TENM3: variants seen among roughly 807,000 people sequenced by gnomAD.
TENM3 encodes teneurin transmembrane protein 3.
Under a neutral mutation model 255.1 loss-of-function variants are expected in TENM3, and 63 were observed. The observed-to-expected ratio is 0.25, with a 90% CI of 0.20 to 0.30. TENM3 has a LOEUF of 0.30. Ranked by LOEUF, TENM3 falls within the 10% of genes least tolerant of loss-of-function variation. The probability of loss-of-function intolerance (pLI) is 1.00; values close to 1 mark genes in which losing one functional copy is unlikely to be tolerated. For missense variants in TENM3, 2,929 were observed against 3,461.1 expected (o/e 0.85, Z 3.86); for synonymous variants, 1,306 against 1,322.3 (o/e 0.99, Z 0.27).
the TENM3 span, among the ~76,000 whole-genome samples, chr4:181,695,395 A>C: frequency 6.6e-6 from 1 of 152,326 alleles, no homozygotes; most frequent in East Asian, 1.9e-4. Context: ...GTAATCCCCA[A>C]ATCAATTACA....
chr4:182,290,595 C>T lies in TENM3; in HGVS notation c.-75-33351C>T, dbSNP rs6856452. Reference sequence around the variant, plus strand: ...TCTGCTCACTGCAATCTCCATCTCCCGGGTTCAAGACATCCTCCTGCCTCA... The same window carrying T: ...TCTGCTCACTGCAATCTCCATCTCCTGGGTTCAAGACATCCTCCTGCCTCA... On this transcript the variant is annotated intron_variant, in intron 1 of 27. Transcript: ENST00000511685. Among the ~76,000 whole-genome samples, 1,172 of 150,772 alleles carry T rather than the reference C, an allele frequency of 7.8e-3. 16 individuals carry two copies. The highest frequency in any genetic ancestry group is 0.026 in the African/African-American group (1,060 of 40,982).
the TENM3 span, among the ~76,000 whole-genome samples, chr4:181,826,875 A>C: frequency 6.6e-6 from 1 of 152,144 alleles, no homozygotes; most frequent in Admixed American, 6.5e-5. Flanking sequence ...AAAATTTGCA[A>C]ATTCTGTTGT....
chr4:182,780,014 A>G (rs1765038543), intron 24 of TENM3, among the ~76,000 whole-genome samples: 3 of 149,590 alleles, frequency 2.0e-5, no homozygotes, highest in Non-Finnish European at 4.5e-5. Flanking sequence ...TTGCCTGTTC[A>G]CTCTGATGGT....
chr4:182,288,097 C>T (rs557275060), intron 1 of TENM3, among the ~76,000 whole-genome samples: 14 of 151,972 alleles, frequency 9.2e-5, no homozygotes, highest in East Asian at 3.9e-4. Context: ...ACCACCACAC[C>T]GGCTAATTTT....
At chr4:182,319,782 A>G (rs2150474774) in intron 1 of TENM3, among the ~76,000 whole-genome samples, 1 of 152,336 alleles carries the variant, frequency 6.6e-6, no homozygotes, top group East Asian at 1.9e-4. Flanking sequence ...GGTATCATGA[A>G]AATGATACAG....
At chr4:182,145,625 GTACCGTGT>G (rs1561136553) in intron 1 of TENM3, among the ~76,000 whole-genome samples, 2 of 152,154 alleles carry the variant, frequency 1.3e-5, no homozygotes, top group African/African-American at 4.8e-5. Context: ...ACAAGTACTT[GTACCGTGT>G]AATACATCAC....
At chr4:181,950,732 A>G in the TENM3 span, among the ~76,000 whole-genome samples, 1 of 152,162 alleles carries the variant, frequency 6.6e-6, no homozygotes, top group Non-Finnish European at 1.5e-5. Flanking sequence ...TCTCCAAACT[A>G]CATTAAGAGA....
chr4:182,338,539 A>G (rs904022800), intron 2 of TENM3, among the ~76,000 whole-genome samples: 1 of 152,154 alleles, frequency 6.6e-6, no homozygotes, highest in Admixed American at 6.5e-5. Context: ...TGGTTTTTAA[A>G]TGTTTCTTTA....
chr4:181,723,442 G>T, the TENM3 span, among the ~76,000 whole-genome samples: 1 of 151,590 alleles, frequency 6.6e-6, no homozygotes, highest in Non-Finnish European at 1.5e-5. Context: ...AGCTTAATCA[G>T]AAAGGAACAT....
the TENM3 span, among the ~76,000 whole-genome samples, chr4:181,955,121 A>G: frequency 6.6e-6 from 1 of 152,174 alleles, no homozygotes; most frequent in Admixed American, 6.5e-5. Context: ...TAACTGAGAA[A>G]TTTATCTCAC....
chr4:182,769,089 G>A (rs80261112), intron 22 of TENM3, among the ~76,000 whole-genome samples: 8,802 of 152,260 alleles, frequency 0.058, 420 homozygotes, highest in Non-Finnish European at 0.071. Flanking sequence ...GCCAAGCAAC[G>A]TTCAGTTGAG....
At chr4:182,523,792 G>A in intron 3 of TENM3, among the ~76,000 whole-genome samples, 1 of 151,206 alleles carries the variant, frequency 6.6e-6, no homozygotes, top group East Asian at 1.9e-4. Flanking sequence ...CAAGATTTGA[G>A]TCAACTCCCC....
chr4:182,760,799 A>G (rs2152764973), intron 22 of TENM3, among the ~76,000 whole-genome samples: 1 of 152,254 alleles, frequency 6.6e-6, no homozygotes, highest in African/African-American at 2.4e-5. Context: ...CCCATGGCAA[A>G]CCCACGACTC....
In TENM3 at chr4:182,711,821, G is replaced by A. The variant is rs575582585; in HGVS notation, c.2222-2266G>A. On this transcript the variant is annotated intron_variant, in intron 12 of 27. Transcript: ENST00000511685. ...CACAGATTTCATTCTTTGTAAAAGC[G>A]TTAGTTTTCTCTAGAACCAGAAACT... is the stretch of plus-strand genomic sequence containing the variant. Among the ~76,000 whole-genome samples, 84 of 152,180 alleles carry A rather than the reference G, an allele frequency of 5.5e-4. 2 individuals are homozygous for A. The highest frequency in any genetic ancestry group is 1.4e-3 in the Admixed American group (21 of 15,298).
the TENM3 span, among the ~76,000 whole-genome samples, chr4:181,766,669 T>C: frequency 6.6e-6 from 1 of 151,774 alleles, no homozygotes; most frequent in South Asian, 2.1e-4. Context: ...AGAAGCATAC[T>C]TTAAAAGGAA....
chr4:181,560,183 A>G, the TENM3 span, among the ~76,000 whole-genome samples: 3 of 152,172 alleles, frequency 2.0e-5, no homozygotes, highest in African/African-American at 7.2e-5. Flanking sequence ...CTGGCTTCCC[A>G]GTTTATAGAA....
At chr4:182,766,044 C>G (rs1369226443) in intron 22 of TENM3, among the ~76,000 whole-genome samples, 1 of 152,144 alleles carries the variant, frequency 6.6e-6, no homozygotes. Flanking sequence ...GTGCCACCTA[C>G]TTTTTAAAAA....
At chr4:181,605,610 A>G in the TENM3 span, among the ~76,000 whole-genome samples, 1 of 116,146 alleles carries the variant, frequency 8.6e-6, no homozygotes, top group Non-Finnish European at 2.1e-5. Context: ...AGAAAGAAAG[A>G]AAGAAAAGAA....
At chr4:182,690,261 C>T (rs921507112) in intron 12 of TENM3, among the ~76,000 whole-genome samples, 6 of 152,204 alleles carry the variant, frequency 3.9e-5, no homozygotes, top group African/African-American at 1.2e-4. Flanking sequence ...GCACAGGGCT[C>T]GTCCCCACTG....
Sources: gnomAD v4.1 joint callset for allele counts (sites outside exome capture counted in the v4.1 genomes callset) on GRCh38, gnomAD v4.1.1 for gene constraint, MANE v1.5 for transcripts, NCBI Gene and HGNC (gene_info 2026-07-23, HGNC 2026-07-21) for gene names.